ZNF385D: variants seen among roughly 807,000 people sequenced by gnomAD.
ZNF385D encodes the protein zinc finger protein 385D.
ZNF385D carries 15 observed loss-of-function variants against 35.8 expected under a neutral mutation model. That is an observed-to-expected ratio of 0.42 (90% CI 0.28 to 0.64). ZNF385D has a LOEUF of 0.64. Among genes scored for constraint, ZNF385D ranks in the 30% least tolerant of loss-of-function variants. ZNF385D has a pLI of 0.23. For missense variants in ZNF385D, 474 were observed against 494.6 expected (o/e 0.96, Z 0.39); for synonymous variants, 212 against 186.8 (o/e 1.13, Z -1.10).
At chr3:22,224,918 T>C (rs1199857600) in intron 2 of ZNF385D, among the ~76,000 whole-genome samples, 2 of 152,180 alleles carry the variant, frequency 1.3e-5, no homozygotes, top group East Asian at 3.9e-4. Flanking sequence ...GATGCTTTTT[T>C]ACTATGTCTT....
chr3:22,142,033 G>C (rs1474876369), intron 3 of ZNF385D, among the ~76,000 whole-genome samples: 1 of 152,136 alleles, frequency 6.6e-6, no homozygotes, highest in East Asian at 1.9e-4. Flanking sequence ...AGCATCATCA[G>C]GTTGACAGTT....
At chr3:22,214,457 C>A (rs941596041) in intron 2 of ZNF385D, among the ~76,000 whole-genome samples, 2 of 152,050 alleles carry the variant, frequency 1.3e-5, no homozygotes, top group Non-Finnish European at 2.9e-5. Flanking sequence ...GAGAGATAAC[C>A]TTAAACTCTG....
At chr3:21,973,055 A>T (rs1703365546) in intron 3 of ZNF385D, among the ~76,000 whole-genome samples, 1 of 152,004 alleles carries the variant, frequency 6.6e-6, no homozygotes, top group African/African-American at 2.4e-5. Context: ...AATACTTCCA[A>T]ACTCATTCTA....
chr3:21,716,170 G>C, intron 1 of ZNF385D, among the ~76,000 whole-genome samples: 1 of 151,920 alleles, frequency 6.6e-6, no homozygotes, highest in East Asian at 2.0e-4. Context: ...GCACCATCAA[G>C]CCTCATCTGA....
intron 2 of ZNF385D, among the ~76,000 whole-genome samples, chr3:22,302,195 A>G (rs1460864207): frequency 6.6e-6 from 1 of 152,000 alleles, no homozygotes; most frequent in African/African-American, 2.4e-5. Flanking sequence ...TGACAAATTT[A>G]TCTCTAAACT....
chr3:21,827,988 A>G (rs1221256641), intron 3 of ZNF385D, among the ~76,000 whole-genome samples: 2 of 152,182 alleles, frequency 1.3e-5, no homozygotes, highest in Non-Finnish European at 2.9e-5. Context: ...GTTGTGTTGG[A>G]TATTAAGGAA....
At chr3:22,092,526 C>G (rs1354370233) in intron 3 of ZNF385D, among the ~76,000 whole-genome samples, 1 of 152,176 alleles carries the variant, frequency 6.6e-6, no homozygotes. Flanking sequence ...TCAGCAAACC[C>G]TGCCATGCAG....
intron 2 of ZNF385D, among the ~76,000 whole-genome samples, chr3:22,280,787 T>A (rs997395322): frequency 1.3e-5 from 2 of 152,152 alleles, no homozygotes; most frequent in Non-Finnish European, 2.9e-5. Flanking sequence ...GATTATTTTT[T>A]CTAGTTCTTT....
At chr3:21,853,321 T>A (rs1311218236) in intron 3 of ZNF385D, among the ~76,000 whole-genome samples, 1 of 151,800 alleles carries the variant, frequency 6.6e-6, no homozygotes, top group Non-Finnish European at 1.5e-5. Context: ...TATTTTCCTG[T>A]ATCGTGGTTT....
In ZNF385D at chr3:21,858,397, CT is replaced by C. The variant is rs1451815088; in HGVS notation, c.326-193370del. Among the ~76,000 whole-genome samples, 6 of 152,068 alleles carry C rather than the reference CT, an allele frequency of 3.9e-5. No individual in the cohort carries two copies. In the South Asian group the frequency reaches 1.0e-3, roughly 26 times the overall value. ...TATGGTCTGAATGTTTATGTCCCCC[CT>C]ACCCCCAGATTCACATGTTTAAACC... On this transcript the variant is annotated intron_variant, in intron 3 of 5. Coordinates refer to the ZNF385D transcript ENST00000494108.
chr3:22,133,464 A>T (rs1429690980), intron 3 of ZNF385D: 3 of 152,112 alleles, frequency 2.0e-5, no homozygotes, highest in African/African-American at 7.2e-5. Context: ...CATATCAAAA[A>T]AACTGCTATA....
intron 2 of ZNF385D, among the ~76,000 whole-genome samples, chr3:22,358,277 A>G (rs1398549710): frequency 6.6e-6 from 1 of 151,912 alleles, no homozygotes; most frequent in African/African-American, 2.4e-5. Context: ...AAAGTCTGGC[A>G]TCAATTCCAA....
At chr3:21,456,710 A>G (rs928807205) in intron 4 of ZNF385D, among the ~76,000 whole-genome samples, 2 of 151,902 alleles carry the variant, frequency 1.3e-5, no homozygotes, top group African/African-American at 2.4e-5. Flanking sequence ...TGTTGTGCAC[A>G]TGTACCCTAG....
chr3:21,603,708 GTAA>G (rs746115603), intron 2 of ZNF385D, among the ~76,000 whole-genome samples: 18 of 152,262 alleles, frequency 1.2e-4, no homozygotes, highest in Admixed American at 6.5e-4. Flanking sequence ...AGTACAAGTA[GTAA>G]TCAATTTTAA....
At chr3:21,458,053 C>A (rs431315) in intron 4 of ZNF385D, among the ~76,000 whole-genome samples, 26,023 of 151,984 alleles carry the variant, frequency 0.17, 2,416 homozygotes, top group Non-Finnish European at 0.2. Flanking sequence ...ACAAAACATT[C>A]AGCAGCTGAA....
chr3:22,090,698 T>A (rs1256686802), intron 3 of ZNF385D, among the ~76,000 whole-genome samples: 1 of 152,092 alleles, frequency 6.6e-6, no homozygotes, highest in Non-Finnish European at 1.5e-5. Context: ...GGGTACCAAT[T>A]GAAAAAGAAT....
At chr3:22,110,680 CTAA>C (rs1240174290) in intron 3 of ZNF385D, among the ~76,000 whole-genome samples, 1 of 151,598 alleles carries the variant, frequency 6.6e-6, no homozygotes, top group African/African-American at 2.4e-5. Flanking sequence ...GGAGATACAC[CTAA>C]TGTTAAATGA....
At chr3:22,101,356 G>A (rs1157779713) in intron 3 of ZNF385D, among the ~76,000 whole-genome samples, 1 of 152,022 alleles carries the variant, frequency 6.6e-6, no homozygotes, top group Non-Finnish European at 1.5e-5. Context: ...CCTTCCATGA[G>A]CATATAAGGT....
rs542088965 is a variant in ZNF385D at position 21,841,763 on chromosome 3, C to T, written c.326-176735G>A. On this transcript the variant is annotated intron_variant, in intron 3 of 5. Transcript: ENST00000494108. ...AAATTTTTACTTAATTTAGGAAGACCTTGACTTTATTGGTTTAATTTTTGA... is the reference window on the plus strand; with the variant it reads ...AAATTTTTACTTAATTTAGGAAGACTTTGACTTTATTGGTTTAATTTTTGA... Among the ~76,000 whole-genome samples the T allele has an allele frequency of 2.0e-5, 3 of 151,808 alleles. No individual in the cohort carries two copies. The East Asian group carries it at 5.9e-4, about 30-fold the overall frequency.
Sources: gnomAD v4.1 joint callset for allele counts (sites outside exome capture counted in the v4.1 genomes callset) on GRCh38, gnomAD v4.1.1 for gene constraint, MANE v1.5 for transcripts, NCBI Gene and HGNC (gene_info 2026-07-23, HGNC 2026-07-21) for gene names.